The following USP34 variants were observed in gnomAD, a reference collection of about 807,000 sequenced individuals.
The protein encoded by USP34 is ubiquitin specific peptidase 34.
USP34 carries 70 observed loss-of-function variants against 460.3 expected under a neutral mutation model. The observed-to-expected ratio is 0.15, with a 90% CI of 0.13 to 0.19. USP34 has a LOEUF of 0.19. USP34 is among the 10% of genes least tolerant of loss of function. The probability of loss-of-function intolerance (pLI) is 1.00; values close to 1 mark genes in which losing one functional copy is unlikely to be tolerated. For missense variants in USP34, 3,985 were observed against 4,236.2 expected (o/e 0.94, Z 1.65); for synonymous variants, 1,647 against 1,405.3 (o/e 1.17, Z -3.85).
At chr2:61,255,727 T>G (rs1202156157) in intron 48 of USP34, among the ~76,000 whole-genome samples, 1 of 152,220 alleles carries the variant, frequency 6.6e-6, no homozygotes, top group Non-Finnish European at 1.5e-5. Context: ...TGATAAAATC[T>G]TGTACCATCC....
At chr2:61,257,142 A>C (rs751057276) in intron 45 of USP34, 34 bp from the exon 46 acceptor site, 18 of 1,578,138 alleles carry the variant, frequency 1.1e-5, no homozygotes, top group Non-Finnish European at 1.5e-5. Context: ...ATAAGAAACT[A>C]GTTAAAACGC....
intron 33 of USP34, among the ~76,000 whole-genome samples, chr2:61,292,868 T>C (rs1689903745): frequency 6.6e-6 from 1 of 152,112 alleles, no homozygotes; most frequent in Non-Finnish European, 1.5e-5. Context: ...ATCACGGTGG[T>C]AAAGTTAACA....
At chr2:61,353,575 G>T (rs113897472) in intron 10 of USP34, among the ~76,000 whole-genome samples, 22,762 of 78,422 alleles carry the variant, frequency 0.29, 2,172 homozygotes, top group South Asian at 0.53. Flanking sequence ...TTTTGTTTTT[G>T]TTTTTTTTGT....
Position 61,288,927 on chromosome 2 carries a change from G to A in USP34, c.4549-50C>T, listed in dbSNP as rs778838050. On this transcript the variant is annotated intron_variant, in intron 33 of 79. Coordinates refer to ENST00000398571, the MANE Select transcript of USP34 (RefSeq NM_014709.4). ...TTCCCTATTTTCATTAATTTAGAAT[G>A]GCCACAATACAATTTTGAAATTAAA... 9 of 1,566,066 alleles carry A rather than the reference G, an allele frequency of 5.7e-6. No homozygotes were observed. The Middle Eastern group carries it at 1.0e-3, about 175-fold the overall frequency.
chr2:61,225,829 C>T (rs147269558), intron 62 of USP34, among the ~76,000 whole-genome samples: 60 of 152,330 alleles, frequency 3.9e-4, no homozygotes, highest in African/African-American at 1.3e-3. Flanking sequence ...GTTTAACTCA[C>T]TGCCAATAGT....
chr2:61,397,490 G>A (rs1420627435), intron 3 of USP34, among the ~76,000 whole-genome samples: 1 of 151,598 alleles, frequency 6.6e-6, no homozygotes, highest in African/African-American at 2.4e-5. Flanking sequence ...TTTTGGCCAG[G>A]CCCGGTGGCT....
chr2:61,375,529 G>C lies in USP34; in HGVS notation c.1076+2834C>G, dbSNP rs554978529. Among the ~76,000 whole-genome samples, 93 of 152,234 alleles carry C rather than the reference G, an allele frequency of 6.1e-4. 1 individual carries two copies. The highest frequency in any genetic ancestry group is 2.0e-3 in the African/African-American group (83 of 41,546). On this transcript the variant is annotated intron_variant, in intron 8 of 79. Coordinates refer to ENST00000398571, the MANE Select transcript of USP34 (RefSeq NM_014709.4). ...TCACGCCTGTAATCCCAGCACTTTG[G>C]GAGGCCAAGGCAGGCGGATCACGAG...
intron 48 of USP34, among the ~76,000 whole-genome samples, chr2:61,253,284 T>A (rs942623498): frequency 1.2e-4 from 18 of 152,214 alleles, no homozygotes; most frequent in African/African-American, 4.1e-4. Flanking sequence ...GAACGACAGA[T>A]TTATTCAATA....
At chr2:61,356,466 G>T (rs1175919856) in intron 10 of USP34, among the ~76,000 whole-genome samples, 1 of 137,986 alleles carries the variant, frequency 7.2e-6, no homozygotes, top group Non-Finnish European at 1.6e-5. Flanking sequence ...CTCCAGCCTG[G>T]GTGAAAGCGC....
intron 1 of USP34, among the ~76,000 whole-genome samples, chr2:61,450,211 A>G (rs879905739): frequency 1.3e-5 from 2 of 152,238 alleles, no homozygotes; most frequent in African/African-American, 2.4e-5. Flanking sequence ...AGTATTCCAT[A>G]TACACGAAAG....
rs559755272 is a variant in USP34, at chr2:61,403,669, A to G, written c.552+2039T>C. 3.9e-5 allele frequency among the ~76,000 whole-genome samples: 6 copies of G among 152,256 alleles called. No individual in the cohort carries two copies. In the South Asian group the frequency reaches 1.0e-3, roughly 26 times the overall value. ...TAAACACTCTTTCTCCCCCACCCAGAGCAGGAGTGAGTGAAAGTTTATCAA... is the reference window on the plus strand; with the variant it reads ...TAAACACTCTTTCTCCCCCACCCAGGGCAGGAGTGAGTGAAAGTTTATCAA... On this transcript the variant is annotated intron_variant, in intron 3 of 79. Coordinates refer to ENST00000398571, the MANE Select transcript of USP34 (RefSeq NM_014709.4).
intron 18 of USP34, among the ~76,000 whole-genome samples, chr2:61,335,307 T>A (rs1031502092): frequency 1.3e-5 from 2 of 152,234 alleles, no homozygotes; most frequent in African/African-American, 4.8e-5. Context: ...ACTACTGATA[T>A]GCTTACAAAA....
At chr2:61,311,483 AG>A (rs1172879471) in intron 27 of USP34, 56 bp downstream of exon 27, 29 of 1,508,650 alleles carry the variant, frequency 1.9e-5, no homozygotes, top group Non-Finnish European at 2.2e-5. Flanking sequence ...AGAAAGAGAA[AG>A]AGAAAAAGAA....
At chr2:61,229,363 T>C (rs1558478011) in intron 59 of USP34, among the ~76,000 whole-genome samples, 185 bp downstream of exon 59, 1 of 150,600 alleles carries the variant, frequency 6.6e-6, no homozygotes, top group Non-Finnish European at 1.5e-5. Flanking sequence ...GGTTCATGCC[T>C]GTAATCCTAG....
intron 3 of USP34, among the ~76,000 whole-genome samples, chr2:61,398,525 C>CAGGGGAAGGAGGCGGAAGCG (rs548904591): frequency 9.4e-5 from 6 of 63,602 alleles, no homozygotes; most frequent in Non-Finnish European, 1.4e-4. Context: ...GAGGCGGAAG[C>CAGGGGAAGGAGGCGGAAGCG]GGGGAAGGAG....
chr2:61,265,684 A>AT, intron 42 of USP34, 127 bp from the exon 43 acceptor site: 1 of 810,962 alleles, frequency 1.2e-6, no homozygotes, highest in Non-Finnish European at 1.7e-6. Flanking sequence ...ATTATATAGA[A>AT]TTTTTTAAAT....
chr2:61,325,445 A>T lies in USP34; in HGVS notation c.2943T>A (p.Ser981Arg). 6.5e-7 allele frequency: 1 copy of T among 1,545,372 alleles called. No individual in the cohort carries two copies. The highest frequency in any genetic ancestry group is 8.7e-7 in the Non-Finnish European group (1 of 1,155,494). ...ATTGAAGACGAACTTGAACTTCAGC[A>T]CTATGGCTGTACCTATAATTTAAAA... is the stretch of plus-strand genomic sequence containing the variant. ...GRQKHALYSH[S>R]AEVQVRLQFL... Residue 981 changes from serine to arginine, a missense_variant, in exon 21 of 80, where the codon AGT (serine) becomes AGA (arginine). By Grantham distance (110) the Ser-to-Arg change is moderately radical (BLOSUM62 -1). Transcript: ENST00000398571.
chr2:61,361,467 T>C (rs1021688385), intron 10 of USP34, among the ~76,000 whole-genome samples: 1 of 152,124 alleles, frequency 6.6e-6, no homozygotes, highest in East Asian at 1.9e-4. Flanking sequence ...AACAGACATA[T>C]GGACCCATAG....
At chr2:61,425,748 T>G (rs1184258579) in intron 1 of USP34, among the ~76,000 whole-genome samples, 3 of 151,784 alleles carry the variant, frequency 2.0e-5, no homozygotes, top group African/African-American at 4.8e-5. Context: ...GTAGAGGTGG[T>G]GGGAAGGGGG....
Sources: gnomAD v4.1 joint callset for allele counts (sites outside exome capture counted in the v4.1 genomes callset) on GRCh38, gnomAD v4.1.1 for gene constraint, MANE v1.5 for transcripts, NCBI Gene and HGNC (gene_info 2026-07-23, HGNC 2026-07-21) for gene names.